The following ERBB4 variants were observed in gnomAD, a reference collection of about 807,000 sequenced individuals.
ERBB4 encodes erb-b2 receptor tyrosine kinase 4.
Under a neutral mutation model 158.0 loss-of-function variants are expected in ERBB4, and 42 were observed. The observed-to-expected ratio is 0.27, with a 90% confidence interval of 0.21 to 0.34. The LOEUF (loss-of-function observed/expected upper bound fraction) is 0.34. ERBB4 is among the 10% of genes least tolerant of loss of function. The pLI, the probability that ERBB4 is intolerant of heterozygous loss-of-function variation, is 1.00. For missense variants in ERBB4, 1,333 were observed against 1,624.1 expected, an observed-to-expected ratio of 0.82 and a Z score of 3.08; for synonymous variants, 583 against 558.7, an observed-to-expected ratio of 1.04 and a Z score of -0.61.
At chr2:211,701,756 CAAAA>C (rs71409856) in intron 12 of ERBB4, among the ~76,000 whole-genome samples, 15 of 66,646 alleles carry the variant, frequency 2.3e-4, no homozygotes, top group Admixed American at 9.6e-4. Context: ...GACTCCGTCT[CAAAA>C]AAAAAAAAAA....
At chr2:211,678,165 C>T (rs1045041078) in intron 13 of ERBB4, among the ~76,000 whole-genome samples, 2 of 151,878 alleles carry the variant, frequency 1.3e-5, no homozygotes, top group African/African-American at 4.8e-5. Context: ...TAAAACCTGG[C>T]AGAACACTTT....
intron 20 of ERBB4, among the ~76,000 whole-genome samples, chr2:211,479,384 T>C (rs879846794): frequency 4.6e-5 from 7 of 152,164 alleles, no homozygotes; most frequent in Non-Finnish European, 7.3e-5. Flanking sequence ...TGAATGCCTA[T>C]AGTGTCATAT....
chr2:211,554,568 T>A (rs181322444), intron 20 of ERBB4, among the ~76,000 whole-genome samples: 18 of 152,322 alleles, frequency 1.2e-4, no homozygotes, highest in Non-Finnish European at 2.2e-4. Context: ...CTCGCCCCAC[T>A]TTCCTGTAGA....
At chr2:211,400,133 G>A (rs759200894) in intron 25 of ERBB4, among the ~76,000 whole-genome samples, 15 of 152,060 alleles carry the variant, frequency 9.9e-5, no homozygotes, top group African/African-American at 2.7e-4. Flanking sequence ...AGAAAAGGAC[G>A]GTCATCCAAC....
At chr2:211,744,827 C>G (rs1171281113) in intron 5 of ERBB4, among the ~76,000 whole-genome samples, 2 of 152,032 alleles carry the variant, frequency 1.3e-5, no homozygotes, top group African/African-American at 4.8e-5. Context: ...TCTCTTTTCC[C>G]CAATGTATGG....
chr2:211,825,905 G>A (rs1367614871), intron 3 of ERBB4, among the ~76,000 whole-genome samples: 1 of 146,680 alleles, frequency 6.8e-6, no homozygotes, highest in Non-Finnish European at 1.5e-5. Flanking sequence ...AATATATATA[G>A]GATAATCCTG....
intron 1 of ERBB4, among the ~76,000 whole-genome samples, chr2:212,135,081 G>T (rs937205732): frequency 3.3e-5 from 5 of 152,042 alleles, no homozygotes; most frequent in Admixed American, 3.3e-4. Flanking sequence ...GAAGACATAG[G>T]TATTCAATAC....
intron 3 of ERBB4, among the ~76,000 whole-genome samples, chr2:211,867,977 G>A (rs958883827): frequency 1.4e-4 from 22 of 152,098 alleles, no homozygotes; most frequent in Admixed American, 1.4e-3. Context: ...TTACAATCAT[G>A]GCATCTGCTC....
At chr2:212,255,225 A>G (rs1002113378) in intron 1 of ERBB4, among the ~76,000 whole-genome samples, 1 of 152,186 alleles carries the variant, frequency 6.6e-6, no homozygotes, top group African/African-American at 2.4e-5. Flanking sequence ...TACCACAATG[A>G]CTATGCACTA....
chr2:211,657,926 A>C, intron 15 of ERBB4, 98 bp from the exon 16 acceptor site: 1 of 1,609,638 alleles, frequency 6.2e-7, no homozygotes, highest in African/African-American at 1.3e-5. Flanking sequence ...GAGGAAGAAC[A>C]TGGGAAGCAA....
chr2:211,573,619 G>A lies in ERBB4; in HGVS notation c.2302-11531C>T, dbSNP rs560787762. Among the ~76,000 whole-genome samples, 19 of 152,198 alleles carry A rather than the reference G, an allele frequency of 1.2e-4. No individual in the cohort carries two copies. In the South Asian group the frequency reaches 1.4e-3, roughly 12 times the overall value. On this transcript the variant is annotated intron_variant, in intron 19 of 27. Coordinates refer to ENST00000342788, the MANE Select transcript of ERBB4 (RefSeq NM_005235.3). ...CAGGAGGCGGAGCTTGCAGTGAGCC[G>A]AGATGGTGTCACTGCACTCCAGCCT...
chr2:211,639,324 A>C (rs768807723), intron 16 of ERBB4, among the ~76,000 whole-genome samples: 1 of 152,212 alleles, frequency 6.6e-6, no homozygotes, highest in African/African-American at 2.4e-5. Flanking sequence ...GGACAAGGTA[A>C]TATGAAGCAA....
intron 1 of ERBB4, among the ~76,000 whole-genome samples, chr2:212,250,058 C>CTTCTG (rs1428609738): frequency 1.1e-4 from 16 of 151,988 alleles, no homozygotes; most frequent in African/African-American, 3.6e-4. Context: ...CTAAATCTAA[C>CTTCTG]TTCTGTTCAT....
intron 3 of ERBB4, among the ~76,000 whole-genome samples, chr2:211,865,209 A>T (rs567393490): frequency 6.6e-6 from 1 of 151,264 alleles, no homozygotes; most frequent in Admixed American, 6.6e-5. Flanking sequence ...TATAAAGTAT[A>T]TATCTATATG....
At chr2:211,869,098 A>T (rs1213514656) in intron 3 of ERBB4, among the ~76,000 whole-genome samples, 6 of 151,964 alleles carry the variant, frequency 3.9e-5, no homozygotes, top group African/African-American at 1.4e-4. Flanking sequence ...TGTCCCAACA[A>T]TTTTTTCACT....
At chr2:212,385,042 T>C (rs150534220) in intron 1 of ERBB4, among the ~76,000 whole-genome samples, 6 of 151,458 alleles carry the variant, frequency 4.0e-5, no homozygotes, top group Non-Finnish European at 8.9e-5. Context: ...GTAGCTGCAA[T>C]CTTCATGTTT....
intron 19 of ERBB4, among the ~76,000 whole-genome samples, chr2:211,591,521 A>G (rs1338333405): frequency 6.6e-6 from 1 of 152,178 alleles, no homozygotes; most frequent in East Asian, 1.9e-4. Flanking sequence ...AGTCATACTC[A>G]TCCACTGCGA....
chr2:212,244,034 T>C lies in ERBB4; in HGVS notation c.83-119131A>G, dbSNP rs546168412. ...TCAATATTTTGTACTATCTACTTAATATTGATTATGTACACGATCTTCTAG... is the reference window on the plus strand; with the variant it reads ...TCAATATTTTGTACTATCTACTTAACATTGATTATGTACACGATCTTCTAG... On this transcript the variant is annotated intron_variant, in intron 1 of 27. Coordinates refer to ENST00000342788, the MANE Select transcript of ERBB4 (RefSeq NM_005235.3). Among the ~76,000 whole-genome samples, 3 of 152,266 alleles carry C rather than the reference T, an allele frequency of 2.0e-5. No individual in the cohort carries two copies. In the East Asian group the frequency reaches 5.8e-4, roughly 29 times the overall value.
chr2:212,472,527 T>A (rs1181107760), intron 1 of ERBB4, among the ~76,000 whole-genome samples: 1 of 151,640 alleles, frequency 6.6e-6, no homozygotes, highest in Non-Finnish European at 1.5e-5. Flanking sequence ...TGTTTTGAGT[T>A]CCATATTAAA....
Sources: gnomAD v4.1 joint callset for allele counts (sites outside exome capture counted in the v4.1 genomes callset) on GRCh38, gnomAD v4.1.1 for gene constraint, MANE v1.5 for transcripts, NCBI Gene and HGNC (gene_info 2026-07-23, HGNC 2026-07-21) for gene names.